ARHGAP29: variants seen among roughly 807,000 people sequenced by gnomAD.
ARHGAP29 encodes the protein Rho GTPase activating protein 29.
A neutral mutation model predicts 122.6 loss-of-function variants in ARHGAP29; 43 were observed. The ratio of observed to expected loss-of-function variants is 0.35; its 90% confidence interval spans 0.27 to 0.45. The LOEUF is 0.45. Ranked by LOEUF, ARHGAP29 falls within the 20% of genes least tolerant of loss-of-function variation. The pLI, the probability that ARHGAP29 is intolerant of heterozygous loss-of-function variation, is 1.00. For synonymous variants in ARHGAP29, 506 were observed against 497.1 expected (o/e 1.02, Z -0.24); for missense variants, 1,303 against 1,477.2 (o/e 0.88, Z 1.93).
intron 6 of ARHGAP29, 40 bp from the exon 7 acceptor site, chr1:94,205,238 G>T: frequency 1.4e-6 from 2 of 1,466,244 alleles, no homozygotes; most frequent in South Asian, 1.4e-5. Flanking sequence ...TGTTAAATGT[G>T]ATCACATCAT....
intron 1 of ARHGAP29, among the ~76,000 whole-genome samples, chr1:94,233,158 G>A (rs1653029495): frequency 6.6e-6 from 1 of 151,548 alleles, no homozygotes; most frequent in Non-Finnish European, 1.5e-5. Context: ...TCACTATGTT[G>A]CCCAGGTTGG....
At chr1:94,174,828 T>G (rs1648991181) in intron 22 of ARHGAP29, 79 bp from the exon 23 acceptor site, 3 of 1,430,470 alleles carry the variant, frequency 2.1e-6, no homozygotes, top group Non-Finnish European at 2.8e-6. Context: ...ATGAACACTC[T>G]ATCAAGACAA....
the ARHGAP29 span, among the ~76,000 whole-genome samples, chr1:94,300,341 A>G: frequency 6.6e-6 from 1 of 152,200 alleles, no homozygotes; most frequent in Non-Finnish European, 1.5e-5. Context: ...TAAGAGCCCT[A>G]AGTAGCTCCA....
the ARHGAP29 span, among the ~76,000 whole-genome samples, chr1:94,306,070 C>T: frequency 2.0e-5 from 3 of 152,216 alleles, no homozygotes; most frequent in Non-Finnish European, 4.4e-5. Flanking sequence ...ATGAAAACAG[C>T]AGTCACATAC....
chr1:94,272,816 C>T (rs958706480), intron 1 of ARHGAP29, among the ~76,000 whole-genome samples: 1 of 152,138 alleles, frequency 6.6e-6, no homozygotes, highest in African/African-American at 2.4e-5. Context: ...GGCTTTGTCC[C>T]CAGTAGATCT....
chr1:94,237,328 C>A (rs1047735584), intron 1 of ARHGAP29, 87 bp downstream of exon 1: 14 of 907,260 alleles, frequency 1.5e-5, no homozygotes, highest in Non-Finnish European at 1.7e-5. Context: ...GGACCCTGGA[C>A]GGCAATTCGC....
At chr1:94,209,852 A>G (rs929261215) in intron 3 of ARHGAP29, among the ~76,000 whole-genome samples, 7 of 152,102 alleles carry the variant, frequency 4.6e-5, no homozygotes, top group African/African-American at 1.7e-4. Context: ...TAAAACCTGT[A>G]ACAAAGCACA....
chr1:94,290,679 T>C, the ARHGAP29 span, among the ~76,000 whole-genome samples: 1 of 152,242 alleles, frequency 6.6e-6, no homozygotes, highest in East Asian at 1.9e-4. Flanking sequence ...TTTCGTCACT[T>C]ACCCAGTAGT....
chr1:94,223,398 C>A (rs1652433373), intron 2 of ARHGAP29, among the ~76,000 whole-genome samples: 1 of 151,972 alleles, frequency 6.6e-6, no homozygotes, highest in Non-Finnish European at 1.5e-5. Context: ...AGTTACTTAG[C>A]CCCTCTGTGC....
At chr1:94,255,071 C>T (rs150903937) in intron 1 of ARHGAP29, among the ~76,000 whole-genome samples, 4 of 152,154 alleles carry the variant, frequency 2.6e-5, no homozygotes, top group Admixed American at 1.3e-4. Context: ...GCCACCCCCA[C>T]GCCACCAAAT....
At chr1:94,305,095 A>G in the ARHGAP29 span, among the ~76,000 whole-genome samples, 1 of 152,248 alleles carries the variant, frequency 6.6e-6, no homozygotes, top group South Asian at 2.1e-4. Flanking sequence ...CAAATACATC[A>G]GTCTCTACAT....
chr1:94,249,333 ATTG>A (rs1311304067), intron 1 of ARHGAP29: 3 of 152,366 alleles, frequency 2.0e-5, no homozygotes, highest in South Asian at 4.1e-4. Flanking sequence ...ATGATGTGGT[ATTG>A]TTATTTTATA....
intron 7 of ARHGAP29, 32 bp downstream of exon 7, chr1:94,205,029 C>T: frequency 1.3e-6 from 2 of 1,529,488 alleles, no homozygotes; most frequent in Non-Finnish European, 1.7e-6. Flanking sequence ...AATTATTATA[C>T]TCTAAATCAG....
chr1:94,179,921 C>T lies in ARHGAP29; in HGVS notation c.2284G>A (p.Glu762Lys). The T allele has an allele frequency of 6.2e-7, 1 of 1,609,324 alleles. No individual in the cohort carries two copies. Among genetic ancestry groups the T allele is most frequent in the Non-Finnish European group, 8.5e-7 (1 of 1,178,760 alleles). The change falls in exon 20 of 23, where the codon GAA (glutamate) becomes AAA (lysine). Residue 762 changes from glutamate (E) to lysine (K), a missense_variant. Glu to Lys is a moderately conservative substitution (Grantham distance 56, BLOSUM62 1). This residue lies in a region of ARHGAP29 where 620 missense variants were observed against 651.2 expected (regional missense o/e 0.95). Coordinates refer to ENST00000260526, the MANE Select transcript of ARHGAP29 (RefSeq NM_004815.4). ...EPFILFRLYK[E>K]FIDLAKEIQH... ...ATCTCTTTTGCAAGGTCTATAAATT[C>T]CTTGTACAATCGAAATAAAATAAAT...
intron 12 of ARHGAP29, 60 bp from the exon 13 acceptor site, chr1:94,190,143 T>TA: frequency 6.5e-7 from 1 of 1,540,930 alleles, no homozygotes; most frequent in Admixed American, 1.8e-5. Context: ...TATATAAACA[T>TA]ACATTTATTT....
chr1:94,228,201 A>G (rs1373278212), intron 2 of ARHGAP29, among the ~76,000 whole-genome samples: 2 of 151,682 alleles, frequency 1.3e-5, no homozygotes, highest in Non-Finnish European at 3.0e-5. Context: ...AGACATTTAT[A>G]TTTTTTCTAA....
chr1:94,174,276 G>T lies in ARHGAP29; in HGVS notation c.3379C>A (p.Pro1127Thr). The change falls in exon 23 of 23, where the codon CCA becomes ACA. Residue 1127 changes from proline to threonine, a missense_variant. Pro to Thr is a conservative substitution (Grantham distance 38, BLOSUM62 -1). Coordinates refer to ENST00000260526, the MANE Select transcript of ARHGAP29 (RefSeq NM_004815.4). ...HSINATQPSK[P>T]YAEPVRSVRE... ...ACTGACCTGACTGGCTCTGCATATG[G>T]CTTACTGGGTTGAGTGGCATTGATA... 6.2e-7 allele frequency: 1 copy of T among 1,614,160 alleles called. No individual in the cohort carries two copies. Among genetic ancestry groups the T allele is most frequent in the Non-Finnish European group, 8.5e-7 (1 of 1,180,024 alleles).
chr1:94,208,490 C>G (rs1651362234), intron 5 of ARHGAP29, among the ~76,000 whole-genome samples: 1 of 151,470 alleles, frequency 6.6e-6, no homozygotes, highest in Non-Finnish European at 1.5e-5. Flanking sequence ...GACAGAGTCT[C>G]ACTCTGTCAC....
Position 94,184,118 on chromosome 1 carries a change from T to G in ARHGAP29, c.2247+33A>C, listed in dbSNP as rs371942940. ...AAATCATATTTTTGCTGTTTTTAAT[T>G]TAATGGTGGGTTTCAAGGGTAAAAA... On this transcript the variant is annotated intron_variant, in intron 19 of 22. Transcript: ENST00000260526. The G allele has an allele frequency of 4.4e-6, 7 of 1,589,090 alleles. No individual in the cohort carries two copies. In the African/African-American group the frequency reaches 6.8e-5, roughly 16 times the overall value.
Sources: allele counts gnomAD v4.1 joint callset (sites outside exome capture counted in the v4.1 genomes callset), GRCh38; gene constraint gnomAD v4.1.1; regional missense constraint gnomAD v4.1.1; transcripts MANE v1.5; gene names NCBI Gene and HGNC (gene_info 2026-07-23, HGNC 2026-07-21).